ETV6: variants seen among roughly 807,000 people sequenced by gnomAD.
ETV6 encodes ETS variant transcription factor 6, also known as transcription factor ETV6.
In ETV6, 16 loss-of-function variants were observed where a neutral mutation model predicts 51.1. That is an observed-to-expected ratio of 0.31 (90% CI 0.21 to 0.48). ETV6 has a LOEUF of 0.48. ETV6 is among the 20% of genes least tolerant of loss of function. The pLI, the probability that ETV6 is intolerant of heterozygous loss-of-function variation, is 0.99. For synonymous variants in ETV6, 240 were observed against 224.1 expected (o/e 1.07, Z -0.64); for missense variants, 458 against 594.8 (o/e 0.77, Z 2.39).
intron 1 of ETV6, among the ~76,000 whole-genome samples, chr12:11,704,428 C>T (rs1865036654): frequency 6.6e-6 from 1 of 152,142 alleles, no homozygotes; most frequent in Admixed American, 6.5e-5. Context: ...CTCACTGCAA[C>T]CTCTGCCTCC....
chr12:11,795,205 A>G lies in ETV6; in HGVS notation c.163+42626A>G, dbSNP rs149021939. On this transcript the variant is annotated intron_variant, in intron 2 of 7. Coordinates refer to ENST00000396373, the MANE Select transcript of ETV6 (RefSeq NM_001987.5). ...CAGCATATAATATTTATAAAAATAAAGCAGGAACTGTTATTTGGTTAAAGC... is the reference window on the plus strand; with the variant it reads ...CAGCATATAATATTTATAAAAATAAGGCAGGAACTGTTATTTGGTTAAAGC... Among the ~76,000 whole-genome samples the G allele has an allele frequency of 2.7e-3, 413 of 152,400 alleles. 4 individuals are homozygous for G. The highest frequency in any genetic ancestry group is 9.6e-3 in the African/African-American group (401 of 41,596).
At chr12:11,749,324 CA>C (rs1865973162) in intron 1 of ETV6, among the ~76,000 whole-genome samples, 2 of 149,554 alleles carry the variant, frequency 1.3e-5, no homozygotes, top group African/African-American at 4.9e-5. Flanking sequence ...CACACACACA[CA>C]CACACACACA....
At chr12:11,884,329 C>A in intron 5 of ETV6, 116 bp from the exon 6 acceptor site, 1 of 1,133,792 alleles carries the variant, frequency 8.8e-7, no homozygotes, top group Admixed American at 1.9e-5. Flanking sequence ...GTTAGTTAGA[C>A]AATCAGTCAA....
intron 1 of ETV6, among the ~76,000 whole-genome samples, chr12:11,700,212 A>C (rs921973276): frequency 6.6e-6 from 1 of 152,220 alleles, no homozygotes; most frequent in African/African-American, 2.4e-5. Flanking sequence ...CCCCTCACGC[A>C]GGAAAAATAT....
chr12:11,662,540 G>A (rs1864119359), intron 1 of ETV6, among the ~76,000 whole-genome samples: 1 of 152,240 alleles, frequency 6.6e-6, no homozygotes, highest in African/African-American at 2.4e-5. Flanking sequence ...GTTGGTCTGT[G>A]TACATTTTCA....
chr12:11,734,880 T>G (rs1177925876), intron 1 of ETV6, among the ~76,000 whole-genome samples: 2 of 152,120 alleles, frequency 1.3e-5, no homozygotes, highest in East Asian at 3.9e-4. Context: ...TCAAAAATAT[T>G]TTTAGAACTG....
intron 7 of ETV6, among the ~76,000 whole-genome samples, chr12:11,887,733 C>T (rs1415619254): frequency 5.6e-5 from 8 of 144,074 alleles, no homozygotes; most frequent in African/African-American, 1.6e-4. Flanking sequence ...GGTGACAGAG[C>T]GAGACTCCAT....
At chr12:11,782,950 G>A (rs977232809) in intron 2 of ETV6, among the ~76,000 whole-genome samples, 1 of 152,158 alleles carries the variant, frequency 6.6e-6, no homozygotes, top group African/African-American at 2.4e-5. Context: ...ATTTTGTGCT[G>A]GAAGTTTAAA....
chr12:11,718,919 A>C (rs559252190), intron 1 of ETV6, among the ~76,000 whole-genome samples: 5 of 152,350 alleles, frequency 3.3e-5, no homozygotes, highest in African/African-American at 1.2e-4. Context: ...TCTGTGATTC[A>C]GAAAGAGTCA....
intron 2 of ETV6, among the ~76,000 whole-genome samples, chr12:11,796,082 A>T (rs1565529555): frequency 6.6e-6 from 1 of 152,112 alleles, no homozygotes; most frequent in African/African-American, 2.4e-5. Context: ...CATTCTTTAG[A>T]TTTTTCCCTT....
intron 3 of ETV6, among the ~76,000 whole-genome samples, chr12:11,844,816 G>A (rs888857922): frequency 1.3e-5 from 2 of 150,288 alleles, no homozygotes; most frequent in African/African-American, 4.9e-5. Flanking sequence ...GGTCACTTAC[G>A]TGAAAGTCAT....
chr12:11,718,414 G>T (rs1865319654), intron 1 of ETV6, among the ~76,000 whole-genome samples: 1 of 152,054 alleles, frequency 6.6e-6, no homozygotes, highest in African/African-American at 2.4e-5. Flanking sequence ...TGTAGATGTA[G>T]GGCTCCTTGT....
At chr12:11,812,548 C>CT (rs2136421835) in intron 2 of ETV6, among the ~76,000 whole-genome samples, 1 of 152,280 alleles carries the variant, frequency 6.6e-6, no homozygotes, top group East Asian at 1.9e-4. Context: ...GGTTGAGTAC[C>CT]TTGTCCTTGG....
At chr12:11,708,253 CAG>C (rs1218732245) in intron 1 of ETV6, among the ~76,000 whole-genome samples, 1 of 133,806 alleles carries the variant, frequency 7.5e-6, no homozygotes, top group African/African-American at 2.8e-5. Flanking sequence ...TGGGGAGTCT[CAG>C]TGAAAAAAAA....
At chr12:11,779,485 G>A (rs1945381310) in intron 2 of ETV6, among the ~76,000 whole-genome samples, 1 of 152,172 alleles carries the variant, frequency 6.6e-6, no homozygotes, top group African/African-American at 2.4e-5. Flanking sequence ...AAAGAAGTCA[G>A]ACTCTAAAAA....
At chr12:11,839,682 C>T (rs1030074616) in intron 3 of ETV6, among the ~76,000 whole-genome samples, 3 of 152,148 alleles carry the variant, frequency 2.0e-5, no homozygotes, top group Non-Finnish European at 4.4e-5. Flanking sequence ...GAGTTTGAGA[C>T]CAGCCTGGGC....
At chr12:11,839,395 C>G (rs1161861977) in intron 3 of ETV6, 91 bp downstream of exon 3, 4 of 1,286,560 alleles carry the variant, frequency 3.1e-6, no homozygotes, top group Non-Finnish European at 4.3e-6. Context: ...CCCAAGAAAT[C>G]CCAACAGTGA....
Position 11,697,289 on chromosome 12 carries a change from G to A in ETV6, c.33+47129G>A, listed in dbSNP as rs142730872. Reference sequence around the variant, plus strand: ...GAGCCACCCGAGAACTCCTCCATTCGTGGTTGTAACTTCACAGAAATGCTT... The same window carrying A: ...GAGCCACCCGAGAACTCCTCCATTCATGGTTGTAACTTCACAGAAATGCTT... On this transcript the variant is annotated intron_variant, in intron 1 of 7. Coordinates refer to ENST00000396373, the MANE Select transcript of ETV6 (RefSeq NM_001987.5). Among the ~76,000 whole-genome samples the A allele has an allele frequency of 8.3e-4, 127 of 152,288 alleles. 1 individual carries two copies. Among genetic ancestry groups the A allele is most frequent in the African/African-American group, 2.4e-3 (101 of 41,558 alleles).
rs188124176 is a variant in ETV6 at position 11,807,326 on chromosome 12, C to T, written c.164-31814C>T. 2.0e-3 allele frequency among the ~76,000 whole-genome samples: 304 copies of T among 152,302 alleles called. 1 individual carries two copies. Among genetic ancestry groups the T allele is most frequent in the Non-Finnish European group, 2.4e-3 (163 of 68,036 alleles). ...ATTTTGGTAGTATACGCCAACATCA[C>T]TTTTTATTTAACACATGCAGAAATG... On this transcript the variant is annotated intron_variant, in intron 2 of 7. Coordinates refer to ENST00000396373, the MANE Select transcript of ETV6 (RefSeq NM_001987.5).
Sources: allele counts gnomAD v4.1 joint callset (sites outside exome capture counted in the v4.1 genomes callset), GRCh38; gene constraint gnomAD v4.1.1; transcripts MANE v1.5; gene names NCBI Gene and HGNC (gene_info 2026-07-23, HGNC 2026-07-21).